Variants in TYR observed in about 807,000 individuals in gnomAD.
TYR encodes tyrosinase.
In TYR, 58 loss-of-function variants were observed where a neutral mutation model predicts 51.5. That is an observed-to-expected ratio of 1.13 (90% CI 0.91 to 1.40). The LOEUF (loss-of-function observed/expected upper bound fraction) is 1.40, where lower values mean the gene tolerates loss of function less well. Among genes scored for constraint, TYR ranks in the 40% most tolerant of loss-of-function variants. The probability of loss-of-function intolerance (pLI) is 0.00; values close to 1 mark genes in which losing one functional copy is unlikely to be tolerated. For synonymous variants in TYR, 263 were observed against 235.2 expected, an observed-to-expected ratio of 1.12 and a Z score of -1.08; for missense variants, 732 against 647.4, an observed-to-expected ratio of 1.13 and a Z score of -1.42.
rs368236072 is a variant in TYR, at chr11:89,295,277, C to T, written c.1501C>T (p.Arg501Cys). The change falls in exon 5 of 5, where the codon CGT becomes TGT. Residue 501 changes from arginine (R) to cysteine (C), a missense_variant. Coordinates refer to ENST00000263321, the MANE Select transcript of TYR (RefSeq NM_000372.5). ...GGCAGGGCTTGTGAGCTTGCTGTGTCGTCACAAGAGAAAGCAGCTTCCTGA... is the reference window on the plus strand; with the variant it reads ...GGCAGGGCTTGTGAGCTTGCTGTGTTGTCACAAGAGAAAGCAGCTTCCTGA... ...LLAGLVSLLC[R>C]HKRKQLPEEK... is the part of the protein sequence containing the mutation. 110 of 1,613,702 alleles carry T rather than the reference C, an allele frequency of 6.8e-5. No homozygotes were observed. Among genetic ancestry groups the T allele is most frequent in the Admixed American group, 1.8e-4 (11 of 60,002 alleles).
At chr11:89,269,032 C>T (rs536568456) in intron 3 of TYR, among the ~76,000 whole-genome samples, 1 of 151,912 alleles carries the variant, frequency 6.6e-6, no homozygotes, top group African/African-American at 2.4e-5. Context: ...TACCTTAACA[C>T]TTTTTGTATG....
chr11:89,197,767 G>T (rs1381101637), intron 2 of TYR, among the ~76,000 whole-genome samples: 1 of 152,114 alleles, frequency 6.6e-6, no homozygotes, highest in Non-Finnish European at 1.5e-5. Flanking sequence ...AAAGCAACAA[G>T]TTCAGGATGA....
intron 3 of TYR, 80 bp from the exon 4 acceptor site, chr11:89,284,693 C>T: frequency 1.5e-6 from 2 of 1,311,204 alleles, no homozygotes; most frequent in Non-Finnish European, 2.2e-6. Context: ...TAATATATGC[C>T]TTATTTTACT....
chr11:89,266,520 C>CCAACAA lies in TYR; in HGVS notation c.1185-18237_1185-18232dup, dbSNP rs552959250. Among the ~76,000 whole-genome samples, 1,088 of 151,880 alleles carry CCAACAA rather than the reference C, an allele frequency of 7.2e-3. 11 individuals carry two copies. Among genetic ancestry groups the CCAACAA allele is most frequent in the African/African-American group, 0.025 (1,032 of 41,448 alleles). On this transcript the variant is annotated intron_variant, in intron 3 of 4. Coordinates refer to ENST00000263321, the MANE Select transcript of TYR (RefSeq NM_000372.5). ...TATTGGTCCCCTGCCTCTAATCCCT[C>CCAACAA]CAACAACAACAACAACAACAAAATC...
At chr11:89,248,504 A>C (rs1370631385) in intron 3 of TYR, among the ~76,000 whole-genome samples, 2 of 152,132 alleles carry the variant, frequency 1.3e-5, no homozygotes, top group Non-Finnish European at 2.9e-5. Context: ...ACACATTTAA[A>C]GGTCCCATGG....
chr11:89,243,089 C>T (rs1401475740), intron 3 of TYR, among the ~76,000 whole-genome samples: 1 of 152,130 alleles, frequency 6.6e-6, no homozygotes, highest in South Asian at 2.1e-4. Flanking sequence ...AACTATTCTT[C>T]AAAAATTTGT....
chr11:89,234,146 TG>T (rs1174287106), intron 3 of TYR, among the ~76,000 whole-genome samples: 1 of 143,772 alleles, frequency 7.0e-6, no homozygotes, highest in Non-Finnish European at 1.5e-5. Context: ...TTGCACTTGT[TG>T]CTTCACTTTG....
intron 3 of TYR, among the ~76,000 whole-genome samples, chr11:89,230,303 G>A (rs1458946174): frequency 1.6e-4 from 24 of 152,080 alleles, no homozygotes; most frequent in South Asian, 2.1e-4. Flanking sequence ...GCAATTAGTC[G>A]TTTGGGGACA....
intron 2 of TYR, chr11:89,200,568 GAAAT>G (rs1943584658): frequency 6.6e-6 from 1 of 151,916 alleles, no homozygotes. Flanking sequence ...TTGTAAAACT[GAAAT>G]AAAAAGATCT....
Position 89,178,583 on chromosome 11 carries a change from G to C in TYR, c.630G>C (p.Trp210Cys), listed in dbSNP as rs775799670. The change falls in exon 1 of 5, where the codon TGG becomes TGC. Residue 210 changes from tryptophan to cysteine, a missense_variant. Transcript: ENST00000263321. ...ATGAAGCACCAGCTTTTCTGCCTTG[G>C]CATAGACTCTTCTTGTTGCGGTGGG... ...FAHEAPAFLP[W>C]HRLFLLRWEQ... 6.2e-7 allele frequency: 1 copy of C among 1,613,806 alleles called. No homozygotes were observed. Among genetic ancestry groups the C allele is most frequent in the Non-Finnish European group, 8.5e-7 (1 of 1,179,866 alleles).
At chr11:89,278,885 T>A (rs1030308630) in intron 3 of TYR, among the ~76,000 whole-genome samples, 4 of 151,774 alleles carry the variant, frequency 2.6e-5, no homozygotes, top group African/African-American at 9.7e-5. Flanking sequence ...TTTTTCAGAC[T>A]TTCTTTGTTT....
intron 3 of TYR, among the ~76,000 whole-genome samples, chr11:89,266,895 T>C (rs1219978569): frequency 3.3e-5 from 5 of 151,876 alleles, no homozygotes. Context: ...TACCAAACCA[T>C]GTCAATTACT....
intron 4 of TYR, among the ~76,000 whole-genome samples, chr11:89,287,244 A>G (rs1286582789): frequency 6.6e-6 from 1 of 151,900 alleles, no homozygotes; most frequent in Non-Finnish European, 1.5e-5. Flanking sequence ...GTTTGAGTAC[A>G]AGTGATATTT....
At chr11:89,197,228 G>GTA (rs1565394214) in intron 2 of TYR, among the ~76,000 whole-genome samples, 1 of 152,008 alleles carries the variant, frequency 6.6e-6, no homozygotes, top group Non-Finnish European at 1.5e-5. Context: ...AGTTTGTAGT[G>GTA]GGAAATAACA....
intron 3 of TYR, among the ~76,000 whole-genome samples, chr11:89,250,201 T>G (rs1216843286): frequency 3.3e-5 from 5 of 152,050 alleles, no homozygotes; most frequent in Non-Finnish European, 7.4e-5. Context: ...AGGAAAGAAC[T>G]ATAGTGTCAT....
intron 2 of TYR, among the ~76,000 whole-genome samples, chr11:89,205,715 A>C (rs1223288601): frequency 6.6e-6 from 1 of 152,072 alleles, no homozygotes; most frequent in African/African-American, 2.4e-5. Context: ...ACCACCAAGC[A>C]GACCTGCCCT....
At chr11:89,249,842 A>T (rs1944311075) in intron 3 of TYR, among the ~76,000 whole-genome samples, 1 of 152,092 alleles carries the variant, frequency 6.6e-6, no homozygotes, top group Non-Finnish European at 1.5e-5. Flanking sequence ...AAATTGCCAC[A>T]GCAAGGTACT....
At chr11:89,245,111 T>C (rs1342726051) in intron 3 of TYR, among the ~76,000 whole-genome samples, 1 of 152,244 alleles carries the variant, frequency 6.6e-6, no homozygotes, top group African/African-American at 2.4e-5. Flanking sequence ...CTGGTGGTTC[T>C]GTGAAGAATG....
At chr11:89,223,790 T>G (rs1180411840) in intron 2 of TYR, among the ~76,000 whole-genome samples, 1 of 152,186 alleles carries the variant, frequency 6.6e-6, no homozygotes, top group African/African-American at 2.4e-5. Context: ...TGTTTACAAC[T>G]GTTTATATTA....
Sources: allele counts gnomAD v4.1 joint callset (sites outside exome capture counted in the v4.1 genomes callset), GRCh38; gene constraint gnomAD v4.1.1; transcripts MANE v1.5; gene names NCBI Gene and HGNC (gene_info 2026-07-23, HGNC 2026-07-21).